The following AUTS2 variants were observed in gnomAD, a reference collection of about 807,000 sequenced individuals.
The protein encoded by AUTS2 is autism susceptibility gene 2 protein.
A neutral mutation model predicts 112.4 loss-of-function variants in AUTS2; 17 were observed. The observed-to-expected ratio is 0.15, with a 90% CI of 0.10 to 0.23. The LOEUF (loss-of-function observed/expected upper bound fraction) is 0.23, where lower values mean the gene tolerates loss of function less well. AUTS2 is among the 10% of genes least tolerant of loss of function. AUTS2 has a pLI of 1.00. For synonymous variants in AUTS2, 751 were observed against 702.7 expected, an observed-to-expected ratio of 1.07 and a Z score of -1.09; for missense variants, 1,510 against 1,701.6, an observed-to-expected ratio of 0.89 and a Z score of 1.98.
intron 2 of AUTS2, among the ~76,000 whole-genome samples, chr7:69,982,219 C>T (rs1798324209): frequency 6.6e-6 from 1 of 152,056 alleles, no homozygotes; most frequent in South Asian, 2.1e-4. Context: ...TGGTCTGTGC[C>T]TTTTCTTCTT....
intron 5 of AUTS2, among the ~76,000 whole-genome samples, chr7:70,604,023 T>C (rs38306): frequency 0.54 from 81,404 of 152,014 alleles, 22,546 homozygotes; most frequent in African/African-American, 0.61. Context: ...CTTTAAAACG[T>C]GCCTGGCCCA....
intron 2 of AUTS2, among the ~76,000 whole-genome samples, chr7:70,069,508 C>T (rs1802652872): frequency 6.6e-6 from 1 of 152,160 alleles, no homozygotes; most frequent in Non-Finnish European, 1.5e-5. Flanking sequence ...TGTCTATTCC[C>T]ATAATCCTGT....
At chr7:70,104,929 C>T (rs1804690078) in intron 2 of AUTS2, among the ~76,000 whole-genome samples, 1 of 152,036 alleles carries the variant, frequency 6.6e-6, no homozygotes. Context: ...TTGATTTAAA[C>T]TTTAAGATTA....
intron 1 of AUTS2, among the ~76,000 whole-genome samples, chr7:69,830,602 G>A (rs1187801906): frequency 6.6e-6 from 1 of 151,988 alleles, no homozygotes; most frequent in Non-Finnish European, 1.5e-5. Context: ...ACATCCTCCT[G>A]GAAGTACCTT....
intron 5 of AUTS2, chr7:70,436,014 ACT>A (rs1235254483): frequency 2.4e-5 from 10 of 413,772 alleles, no homozygotes; most frequent in African/African-American, 4.0e-5. Flanking sequence ...TATATGTGAC[ACT>A]GAGTTTTTAC....
At chr7:70,564,394 A>T (rs1185248072) in intron 5 of AUTS2, among the ~76,000 whole-genome samples, 2 of 152,176 alleles carry the variant, frequency 1.3e-5, no homozygotes, top group Non-Finnish European at 2.9e-5. Flanking sequence ...ATATATCTGC[A>T]CTTTCTTTAT....
chr7:69,619,133 A>AT (rs1468134881), intron 1 of AUTS2, among the ~76,000 whole-genome samples: 7 of 152,086 alleles, frequency 4.6e-5, no homozygotes, highest in Non-Finnish European at 7.4e-5. Flanking sequence ...TTCTTAAAGC[A>AT]TTTTTTAATG....
At chr7:70,628,221 GA>G (rs1438107230) in intron 5 of AUTS2, among the ~76,000 whole-genome samples, 1 of 152,058 alleles carries the variant, frequency 6.6e-6, no homozygotes, top group Non-Finnish European at 1.5e-5. Context: ...GCCATGGTGG[GA>G]CAGATTTACC....
intron 6 of AUTS2, among the ~76,000 whole-genome samples, chr7:70,708,503 T>G (rs1340570383): frequency 6.6e-6 from 1 of 152,082 alleles, no homozygotes; most frequent in Non-Finnish European, 1.5e-5. Flanking sequence ...GAATAATAGA[T>G]GACACCCACC....
chr7:70,546,216 T>C (rs1183856973), intron 5 of AUTS2, among the ~76,000 whole-genome samples: 1 of 147,040 alleles, frequency 6.8e-6, no homozygotes. Context: ...GGCTGAGGAA[T>C]GTGGATTACT....
intron 4 of AUTS2, among the ~76,000 whole-genome samples, chr7:70,368,678 C>T (rs1365237524): frequency 6.6e-6 from 1 of 152,184 alleles, no homozygotes; most frequent in Non-Finnish European, 1.5e-5. Flanking sequence ...AGAGCAGTCA[C>T]ATGGCTACCT....
At chr7:69,975,484 A>G (rs979806602) in intron 2 of AUTS2, among the ~76,000 whole-genome samples, 33 of 152,178 alleles carry the variant, frequency 2.2e-4, no homozygotes, top group Middle Eastern at 6.8e-3. Context: ...CTCTGAAGAC[A>G]CAATTGTTAG....
intron 6 of AUTS2, among the ~76,000 whole-genome samples, chr7:70,735,562 G>A (rs1221036608): frequency 6.6e-6 from 1 of 152,116 alleles, no homozygotes; most frequent in Non-Finnish European, 1.5e-5. Flanking sequence ...AAGTGAATGC[G>A]GGTGCATCAC....
At chr7:70,230,382 C>T (rs572940179) in intron 4 of AUTS2, among the ~76,000 whole-genome samples, 2 of 152,234 alleles carry the variant, frequency 1.3e-5, no homozygotes, top group East Asian at 1.9e-4. Context: ...ACCCTTACCA[C>T]TTATATAAGC....
At chr7:70,476,772 A>G (rs1178184557) in intron 5 of AUTS2, among the ~76,000 whole-genome samples, 1 of 152,202 alleles carries the variant, frequency 6.6e-6, no homozygotes, top group African/African-American at 2.4e-5. Context: ...GAGTGGGGTA[A>G]TACCTAGCTC....
intron 6 of AUTS2, among the ~76,000 whole-genome samples, chr7:70,744,688 C>G (rs1209831829): frequency 6.6e-6 from 1 of 152,200 alleles, no homozygotes; most frequent in Non-Finnish European, 1.5e-5. Context: ...GCAAGAGCAG[C>G]AAGAGCTTCT....
At chr7:70,556,725 T>C (rs1801263921) in intron 5 of AUTS2, among the ~76,000 whole-genome samples, 1 of 152,230 alleles carries the variant, frequency 6.6e-6, no homozygotes, top group South Asian at 2.1e-4. Flanking sequence ...ACCTGTCTTC[T>C]GATAACCACC....
At chr7:69,950,496 T>C (rs1481962647) in intron 2 of AUTS2, among the ~76,000 whole-genome samples, 1 of 152,180 alleles carries the variant, frequency 6.6e-6, no homozygotes, top group Non-Finnish European at 1.5e-5. Flanking sequence ...GATGAAATAA[T>C]ATGTTGGGAG....
intron 1 of AUTS2, among the ~76,000 whole-genome samples, chr7:69,630,525 A>C (rs1269087234): frequency 6.6e-6 from 1 of 152,118 alleles, no homozygotes; most frequent in African/African-American, 2.4e-5. Flanking sequence ...AAACAAGCAA[A>C]CCACCAAACA....
Sources: allele counts gnomAD v4.1 joint callset (sites outside exome capture counted in the v4.1 genomes callset), GRCh38; gene constraint gnomAD v4.1.1; transcripts MANE v1.5; gene names NCBI Gene and HGNC (gene_info 2026-07-23, HGNC 2026-07-21).